The following RGS7 variants were observed in gnomAD, a reference collection of about 807,000 sequenced individuals.
The protein encoded by RGS7 is regulator of G protein signaling 7.
In RGS7, 27 loss-of-function variants were observed where a neutral mutation model predicts 81.1. The ratio of observed to expected loss-of-function variants is 0.33; its 90% confidence interval spans 0.25 to 0.46. RGS7 has a LOEUF of 0.46. Among genes scored for constraint, RGS7 ranks in the 20% least tolerant of loss-of-function variants. The pLI, the probability that RGS7 is intolerant of heterozygous loss-of-function variation, is 1.00. For synonymous variants in RGS7, 208 were observed against 207.7 expected, an observed-to-expected ratio of 1.00 and a Z score of -0.01; for missense variants, 396 against 607.4, an observed-to-expected ratio of 0.65 and a Z score of 3.66.
intron 3 of RGS7, among the ~76,000 whole-genome samples, chr1:241,005,010 G>A (rs537284461): frequency 3.3e-5 from 5 of 152,158 alleles, no homozygotes; most frequent in Non-Finnish European, 7.3e-5. Flanking sequence ...AACGTGGTAA[G>A]TGCTAGGACA....
Position 240,856,035 on chromosome 1 carries a change from C to A in RGS7, c.609+12552G>T, listed in dbSNP as rs538832526. Reference sequence around the variant, plus strand: ...GCCCTTTATCTAGTTTATGTGAAATCATGATATTTCTGAATTGTTTAATTA... The same window carrying A: ...GCCCTTTATCTAGTTTATGTGAAATAATGATATTTCTGAATTGTTTAATTA... On this transcript the variant is annotated intron_variant, in intron 9 of 18. Transcript: ENST00000440928. 4.2e-4 allele frequency among the ~76,000 whole-genome samples: 64 copies of A among 152,234 alleles called. 1 individual carries two copies. The highest frequency in any genetic ancestry group is 1.5e-3 in the African/African-American group (64 of 41,564).
intron 2 of RGS7, among the ~76,000 whole-genome samples, chr1:241,327,080 GA>G (rs1278865841): frequency 0.01 from 499 of 49,392 alleles, 49 homozygotes; most frequent in African/African-American, 0.039. Context: ...AAGGAAGGAA[GA>G]GAAAGAAAGA....
intron 16 of RGS7, among the ~76,000 whole-genome samples, chr1:240,802,379 G>A (rs1688164924): frequency 6.6e-6 from 1 of 152,080 alleles, no homozygotes; most frequent in Admixed American, 6.6e-5. Flanking sequence ...ACCATGCTAG[G>A]TGTATAAAAT....
intron 3 of RGS7, among the ~76,000 whole-genome samples, chr1:241,050,417 C>T (rs572934633): frequency 6.6e-6 from 1 of 152,222 alleles, no homozygotes; most frequent in African/African-American, 2.4e-5. Flanking sequence ...GGCTGGCTCT[C>T]CCAGGTCACT....
intron 6 of RGS7, among the ~76,000 whole-genome samples, chr1:240,896,889 CATG>C (rs1312847292): frequency 1.3e-5 from 2 of 152,194 alleles, no homozygotes; most frequent in Non-Finnish European, 2.9e-5. Flanking sequence ...TGGCCATTTT[CATG>C]ATATTGATTC....
chr1:240,983,049 G>A, intron 4 of RGS7, 30 bp downstream of exon 4: 1 of 1,362,058 alleles, frequency 7.3e-7, no homozygotes, highest in Non-Finnish European at 1.0e-6. Context: ...TAAGAAAAAA[G>A]TTCTTGCAAT....
intron 6 of RGS7, among the ~76,000 whole-genome samples, chr1:240,924,010 A>T (rs1674007832): frequency 6.6e-6 from 1 of 152,160 alleles, no homozygotes; most frequent in South Asian, 2.1e-4. Context: ...CTTTTAAATT[A>T]GTTCACCATG....
intron 18 of RGS7, among the ~76,000 whole-genome samples, chr1:240,777,358 A>G (rs1683140244): frequency 6.6e-6 from 1 of 152,218 alleles, no homozygotes; most frequent in Non-Finnish European, 1.5e-5. Context: ...CTTATTTTAT[A>G]TGTTCTATTA....
At chr1:241,346,671 A>C (rs2082916340) in intron 2 of RGS7, among the ~76,000 whole-genome samples, 1 of 152,248 alleles carries the variant, frequency 6.6e-6, no homozygotes, top group Non-Finnish European at 1.5e-5. Flanking sequence ...GAGGTCACTC[A>C]GTCTGCGTAA....
intron 6 of RGS7, among the ~76,000 whole-genome samples, chr1:240,883,347 T>A (rs935583499): frequency 3.3e-4 from 50 of 152,102 alleles, no homozygotes; most frequent in African/African-American, 9.9e-4. Flanking sequence ...AAAAATTTTT[T>A]AAAAAAACAA....
intron 2 of RGS7, among the ~76,000 whole-genome samples, chr1:241,111,769 T>A (rs1282212270): frequency 6.6e-6 from 1 of 152,180 alleles, no homozygotes; most frequent in Non-Finnish European, 1.5e-5. Context: ...CATGCTTACT[T>A]CCATCCTAAT....
rs185420192 is a variant in RGS7, at chr1:240,920,610, T to C, written c.385+10107A>G. ...TAGCTACGGCAGTGGCAGAAGATTT[T>C]AATTAGGAAACAAAGCTTAGCGGAA... On this transcript the variant is annotated intron_variant, in intron 6 of 18. Coordinates refer to ENST00000440928, the MANE Select transcript of RGS7 (RefSeq NM_001364886.1). 3.8e-3 allele frequency: 4,065 copies of C among 1,062,150 alleles called. 18 individuals carry two copies. Among genetic ancestry groups the C allele is most frequent in the Non-Finnish European group, 5.1e-3 (3,533 of 696,146 alleles). 65.8% of individuals were successfully genotyped at this position (1,062,150 alleles called of 1,614,324 possible).
chr1:241,021,863 T>C (rs1444936264), intron 3 of RGS7, among the ~76,000 whole-genome samples: 1 of 152,122 alleles, frequency 6.6e-6, no homozygotes, highest in African/African-American at 2.4e-5. Flanking sequence ...TACTTACCAA[T>C]ATAGGAGAAT....
At chr1:241,147,790 A>ATATATATATATATATT (rs2068440690) in intron 2 of RGS7, among the ~76,000 whole-genome samples, 1 of 110,298 alleles carries the variant, frequency 9.1e-6, no homozygotes, top group African/African-American at 4.0e-5. Context: ...TTATATATAT[A>ATATATATATATATATT]TATATATATA....
intron 17 of RGS7, 110 bp from the exon 18 acceptor site, chr1:240,800,831 C>T: frequency 2.0e-6 from 1 of 509,252 alleles, no homozygotes. Context: ...AAATATATAT[C>T]ATCAAAACAC....
intron 2 of RGS7, among the ~76,000 whole-genome samples, chr1:241,294,151 G>A (rs2079252604): frequency 6.6e-6 from 1 of 152,190 alleles, no homozygotes; most frequent in African/African-American, 2.4e-5. Flanking sequence ...GGACACGGAT[G>A]AAGCTGGAAG....
At chr1:241,130,621 T>C (rs2067008119) in intron 2 of RGS7, among the ~76,000 whole-genome samples, 1 of 152,134 alleles carries the variant, frequency 6.6e-6, no homozygotes. Flanking sequence ...AAAAGGTATT[T>C]CTGAGTTGAT....
chr1:241,089,441 A>T (rs2063728507), intron 3 of RGS7, among the ~76,000 whole-genome samples: 1 of 152,054 alleles, frequency 6.6e-6, no homozygotes, highest in Non-Finnish European at 1.5e-5. Flanking sequence ...TCTGCCTAAA[A>T]GCAGGACATA....
chr1:240,954,183 A>G (rs1211396871), intron 4 of RGS7, among the ~76,000 whole-genome samples: 1 of 152,042 alleles, frequency 6.6e-6, no homozygotes, highest in Non-Finnish European at 1.5e-5. Flanking sequence ...CATTTAGGGA[A>G]GAGATGATTC....
Sources: gnomAD v4.1 joint callset for allele counts (sites outside exome capture counted in the v4.1 genomes callset) on GRCh38, gnomAD v4.1.1 for gene constraint, MANE v1.5 for transcripts, NCBI Gene and HGNC (gene_info 2026-07-23, HGNC 2026-07-21) for gene names.